The following PPIP5K2 variants were observed in gnomAD, a reference collection of about 807,000 sequenced individuals.
PPIP5K2 encodes the protein inositol hexakisphosphate and diphosphoinositol-pentakisphosphate kinase 2.
A neutral mutation model predicts 154.6 loss-of-function variants in PPIP5K2; 105 were observed. That is an observed-to-expected ratio of 0.68 (90% CI 0.58 to 0.80). The LOEUF is 0.80. PPIP5K2 is among the 30% of genes least tolerant of loss of function. The pLI, the probability that PPIP5K2 is intolerant of heterozygous loss-of-function variation, is 0.00. For synonymous variants in PPIP5K2, 480 were observed against 490.3 expected, an observed-to-expected ratio of 0.98 and a Z score of 0.28; for missense variants, 992 against 1,504.6, an observed-to-expected ratio of 0.66 and a Z score of 5.64.
intron 24 of PPIP5K2, among the ~76,000 whole-genome samples, chr5:103,180,510 A>C (rs1799347765): frequency 6.6e-6 from 1 of 152,080 alleles, no homozygotes; most frequent in South Asian, 2.1e-4. Context: ...ATCTTCAATA[A>C]TGAATTTTTT....
At chr5:103,171,829 C>A (rs1798024681) in intron 19 of PPIP5K2, among the ~76,000 whole-genome samples, 1 of 151,558 alleles carries the variant, frequency 6.6e-6, no homozygotes, top group African/African-American at 2.4e-5. Flanking sequence ...AAAAAGCATA[C>A]TATTTTACAA....
chr5:103,183,654 A>G (rs782537850), intron 25 of PPIP5K2, among the ~76,000 whole-genome samples: 18 of 152,198 alleles, frequency 1.2e-4, no homozygotes, highest in African/African-American at 4.1e-4. Flanking sequence ...AAAACAATCA[A>G]TAGATGTTAT....
At chr5:103,152,802 TATTA>T (rs1206953212) in intron 10 of PPIP5K2, 53 bp downstream of exon 10, 1 of 1,203,764 alleles carries the variant, frequency 8.3e-7, no homozygotes, top group Non-Finnish European at 1.2e-6. Flanking sequence ...CCATCTGTGC[TATTA>T]GGATAAAAAT....
intron 29 of PPIP5K2, among the ~76,000 whole-genome samples, chr5:103,194,292 C>T (rs921182358): frequency 2.6e-5 from 4 of 151,924 alleles, no homozygotes; most frequent in Non-Finnish European, 5.9e-5. Flanking sequence ...CTCAGCCTCC[C>T]GAGTAGCTGG....
Position 103,152,479 on chromosome 5 carries a change from G to A in PPIP5K2, c.1029-169G>A, listed in dbSNP as rs74868487. 0.036 allele frequency among the ~76,000 whole-genome samples: 5,517 copies of A among 151,760 alleles called. 336 individuals carry two copies. The highest frequency in any genetic ancestry group is 0.13 in the African/African-American group (5,244 of 41,454). On this transcript the variant is annotated intron_variant, in intron 9 of 30. Coordinates refer to ENST00000358359, the MANE Select transcript of PPIP5K2 (RefSeq NM_001276277.3). Reference sequence around the variant, plus strand: ...TTGATGTGTCTAATACATCAATTTGGAACTGCTGATTTTTATTTTTTCTTG... The same window carrying A: ...TTGATGTGTCTAATACATCAATTTGAAACTGCTGATTTTTATTTTTTCTTG...
intron 2 of PPIP5K2, among the ~76,000 whole-genome samples, chr5:103,130,571 T>C (rs1183142430): frequency 4.6e-5 from 7 of 152,176 alleles, no homozygotes; most frequent in African/African-American, 1.7e-4. Context: ...GTTACACATA[T>C]CTGAAATGCA....
At chr5:103,135,968 CT>C (rs1159954877) in intron 3 of PPIP5K2, 1,191 of 116,286 alleles carry the variant, frequency 0.01, 2 homozygotes, top group African/African-American at 0.03. Flanking sequence ...GCTTCTGTAG[CT>C]TTTTTTTTTT....
intron 28 of PPIP5K2, among the ~76,000 whole-genome samples, chr5:103,190,502 T>C (rs1358716195): frequency 2.0e-5 from 3 of 152,040 alleles, no homozygotes; most frequent in African/African-American, 7.2e-5. Flanking sequence ...ACCTATTGAA[T>C]AGACCTGACT....
chr5:103,200,763 G>A (rs999085815), intron 30 of PPIP5K2, among the ~76,000 whole-genome samples: 5 of 151,910 alleles, frequency 3.3e-5, no homozygotes. Context: ...GGCCTCCTGA[G>A]TAGCTGAGAC....
chr5:103,188,409 T>C (rs1459754512), intron 28 of PPIP5K2, among the ~76,000 whole-genome samples: 1 of 152,086 alleles, frequency 6.6e-6, no homozygotes, highest in Non-Finnish European at 1.5e-5. Flanking sequence ...ATGGTCATTC[T>C]CCCCCTTCTG....
Position 103,138,406 on chromosome 5 carries a change from C to T in PPIP5K2, c.424C>T (p.Gln142Ter). 6.3e-7 allele frequency: 1 copy of T among 1,599,962 alleles called. No individual in the cohort carries two copies. Among genetic ancestry groups the T allele is most frequent in the Non-Finnish European group, 8.6e-7 (1 of 1,168,712 alleles). Reference sequence around the variant, plus strand: ...CAGGAGAGAAGTATATAGTATTCTTCAAGCTGAAGGTATTTTACTTCCTCG... The same window carrying T: ...CAGGAGAGAAGTATATAGTATTCTTTAAGCTGAAGGTATTTTACTTCCTCG... ...QDRREVYSIL[Q>*]AEGILLPRYA... is the part of the protein sequence containing the mutation. Residue 142 changes from glutamine (Q) to a stop codon, truncating the protein, a stop_gained, in exon 5 of 31, where the codon CAA becomes TAA. Coordinates refer to ENST00000358359, the MANE Select transcript of PPIP5K2 (RefSeq NM_001276277.3). LOFTEE classifies it high-confidence loss of function.
In PPIP5K2 at chr5:103,183,214, G is replaced by GAA; in HGVS notation, c.2923-20_2923-19insAA. On this transcript the variant is annotated intron_variant, in intron 24 of 30. Transcript: ENST00000358359. ...TTTTTTTTTTTTTTTTTTTTTTTTT[G>GAA]CCCCCTTTCTCACTTCCAGGAAGAG... 4.3e-6 allele frequency: 1 copy of GAA among 233,896 alleles called. No homozygotes were observed. Among genetic ancestry groups the GAA allele is most frequent in the Non-Finnish European group, 6.5e-6 (1 of 154,502 alleles). 14.5% of individuals were successfully genotyped at this position (233,896 alleles called of 1,614,324 possible).
At chr5:103,152,238 A>G (rs957624415) in intron 9 of PPIP5K2, among the ~76,000 whole-genome samples, 1 of 151,958 alleles carries the variant, frequency 6.6e-6, no homozygotes, top group African/African-American at 2.4e-5. Flanking sequence ...CCCTATTAGT[A>G]TAGTAGTGAT....
In PPIP5K2 at chr5:103,177,737, C is replaced by T. The variant is rs782802111; in HGVS notation, c.2600C>T (p.Thr867Ile). 1 of 1,612,004 alleles carries T rather than the reference C, an allele frequency of 6.2e-7. No individual in the cohort carries two copies. Among genetic ancestry groups the T allele is most frequent in the South Asian group, 1.1e-5 (1 of 90,900 alleles). Reference sequence around the variant, plus strand: ...GTTGTCAATGAGCTCAACTACATGACTCAGATTGTTATCATGCTTTATGAG... The same window carrying T: ...GTTGTCAATGAGCTCAACTACATGATTCAGATTGTTATCATGCTTTATGAG... ...LNVVNELNYM[T>I]QIVIMLYEDP... Residue 867 changes from threonine to isoleucine, a missense_variant, in exon 22 of 31, where the codon ACT becomes ATT. Thr to Ile is a moderately conservative substitution (Grantham distance 89). Transcript: ENST00000358359.
intron 14 of PPIP5K2, among the ~76,000 whole-genome samples, chr5:103,156,371 A>C (rs1254483876): frequency 1.3e-5 from 2 of 152,166 alleles, no homozygotes; most frequent in African/African-American, 4.8e-5. Flanking sequence ...ACTTTGAAAA[A>C]ATATACAATT....
chr5:103,190,915 A>C lies in PPIP5K2; in HGVS notation c.3426A>C (p.Gln1142His). Residue 1142 changes from glutamine (Q) to histidine (H), a missense_variant, in exon 29 of 31, where the codon CAA becomes CAC. Gln to His is a conservative substitution (Grantham distance 24). Around this residue, in one of 9 missense-constraint regions of PPIP5K2, gnomAD observed 29 missense variants for 56.4 expected, o/e 0.51. Transcript: ENST00000358359. ...TTCATAATGCCCTATCTTTAAAGCA[A>C]GTGGATGAATTTCTTGCTTCCATTG... The part of the protein sequence containing the change: ...ETLHNALSLK[Q>H]VDEFLASIAS... 6.2e-7 allele frequency: 1 copy of C among 1,610,124 alleles called. No individual in the cohort carries two copies. The highest frequency in any genetic ancestry group is 8.5e-7 in the Non-Finnish European group (1 of 1,177,872).
intron 29 of PPIP5K2, among the ~76,000 whole-genome samples, chr5:103,193,221 A>G (rs1427707798): frequency 6.6e-6 from 1 of 152,166 alleles, no homozygotes; most frequent in East Asian, 1.9e-4. Context: ...AGCAAAGAAA[A>G]TAGGGTGCCA....
intron 30 of PPIP5K2, among the ~76,000 whole-genome samples, chr5:103,197,015 A>G (rs1554228739): frequency 6.6e-6 from 1 of 152,210 alleles, no homozygotes; most frequent in Admixed American, 6.5e-5. Flanking sequence ...AAGGATCGAC[A>G]GTACAATCAG....
In PPIP5K2 at chr5:103,173,870, T is replaced by C. The variant is rs782806183; in HGVS notation, c.2427T>C (p.Gly809=). 6.3e-7 allele frequency: 1 copy of C among 1,589,394 alleles called. No homozygotes were observed. Among genetic ancestry groups the C allele is most frequent in the East Asian group, 2.2e-5 (1 of 44,592 alleles). Reference sequence around the variant, plus strand: ...CTTCTAATTTTAGGTATTCTAGAGGTGTTCTGTCTCCTGAACGTCATGTTC... The same window carrying C: ...CTTCTAATTTTAGGTATTCTAGAGGCGTTCTGTCTCCTGAACGTCATGTTC... ...VNKLHPVYSR[G]VLSPERHVRT... Residue 809 remains glycine, a synonymous_variant, in exon 21 of 31, where the codon GGT becomes GGC. Transcript: ENST00000358359.
Sources: gnomAD v4.1 joint callset for allele counts (sites outside exome capture counted in the v4.1 genomes callset) on GRCh38, gnomAD v4.1.1 for gene constraint, gnomAD v4.1.1 regional missense constraint, MANE v1.5 for transcripts, NCBI Gene and HGNC (gene_info 2026-07-23, HGNC 2026-07-21) for gene names.